Variants in GIGYF2 observed in about 807,000 individuals in gnomAD.
GIGYF2 encodes GRB10-interacting GYF protein 2.
Under a neutral mutation model 208.1 loss-of-function variants are expected in GIGYF2, and 25 were observed. That is an observed-to-expected ratio of 0.12 (90% CI 0.09 to 0.17). GIGYF2 has a LOEUF of 0.17. Ranked by LOEUF, GIGYF2 falls within the 10% of genes least tolerant of loss-of-function variation. GIGYF2 has a pLI of 1.00. For missense variants in GIGYF2, 1,302 were observed against 1,579.4 expected, an observed-to-expected ratio of 0.82 and a Z score of 2.98; for synonymous variants, 534 against 543.8, an observed-to-expected ratio of 0.98 and a Z score of 0.25.
intron 3 of GIGYF2, chr2:232,736,059 G>A (rs946604155): frequency 1.0e-6 from 1 of 975,252 alleles, no homozygotes; most frequent in African/African-American, 1.8e-5. Context: ...CTCTATTTGA[G>A]GAGTCTTATT....
In GIGYF2 at chr2:232,847,591, A is replaced by G; in HGVS notation, c.3684+20A>G. ...CAGCAGGTATAAAGTAGTGTGGTGT[A>G]TGCGGTACCTCTGAGGATTAATACC... is the stretch of plus-strand genomic sequence containing the variant. On this transcript the variant is annotated intron_variant, in intron 27 of 28. Transcript: ENST00000373563. 1 of 1,611,922 alleles carries G rather than the reference A, an allele frequency of 6.2e-7. No homozygotes were observed. Among genetic ancestry groups the G allele is most frequent in the South Asian group, 1.1e-5 (1 of 90,988 alleles).
chr2:232,843,454 T>G (rs535952685), intron 23 of GIGYF2, among the ~76,000 whole-genome samples: 5 of 150,810 alleles, frequency 3.3e-5, no homozygotes, highest in African/African-American at 1.2e-4. Flanking sequence ...TCCCAGCTAC[T>G]CAGGAGGCCG....
In GIGYF2 at chr2:232,777,969, TAG is replaced by T. The variant is rs760847326; in HGVS notation, c.533-9178_533-9177del. On this transcript the variant is annotated intron_variant, in intron 8 of 28. Coordinates refer to ENST00000373563, the MANE Select transcript of GIGYF2 (RefSeq NM_001103146.3). ...TTTTTATTTTCATTTTTTTTAGACA[TAG>T]AGTCTTGCTGTGTCACCCAGGCTGG... 3.3e-5 allele frequency among the ~76,000 whole-genome samples: 5 copies of T among 152,194 alleles called. No homozygotes were observed. In the South Asian group the frequency reaches 1.0e-3, roughly 32 times the overall value.
At chr2:232,836,674 G>T (rs1433832066) in intron 22 of GIGYF2, among the ~76,000 whole-genome samples, 2 of 150,010 alleles carry the variant, frequency 1.3e-5, no homozygotes, top group African/African-American at 4.9e-5. Flanking sequence ...TATGAAATTT[G>T]TTTTGACTCC....
At chr2:232,804,686 T>G (rs1419995493) in intron 14 of GIGYF2, among the ~76,000 whole-genome samples, 1 of 152,122 alleles carries the variant, frequency 6.6e-6, no homozygotes, top group Non-Finnish European at 1.5e-5. Flanking sequence ...AGAGACAAGG[T>G]TTCACCATGT....
At chr2:232,733,337 G>C (rs369871055) in intron 2 of GIGYF2, among the ~76,000 whole-genome samples, 6 of 152,100 alleles carry the variant, frequency 3.9e-5, no homozygotes, top group South Asian at 2.1e-4. Context: ...TTTGTGTGGT[G>C]GGGGAGCAGG....
At chr2:232,797,893 A>C (rs1245270199) in intron 14 of GIGYF2, among the ~76,000 whole-genome samples, 1 of 150,798 alleles carries the variant, frequency 6.6e-6, no homozygotes, top group Non-Finnish European at 1.5e-5. Context: ...AGGCATGAGA[A>C]TCACTTGAAC....
At chr2:232,830,193 G>A (rs1300442555) in intron 21 of GIGYF2, among the ~76,000 whole-genome samples, 1 of 152,096 alleles carries the variant, frequency 6.6e-6, no homozygotes, top group Non-Finnish European at 1.5e-5. Context: ...GTATTGCCCA[G>A]TCTCATCTCA....
intron 20 of GIGYF2, 52 bp downstream of exon 20, chr2:232,817,084 A>G (rs925810954): frequency 3.7e-6 from 5 of 1,349,934 alleles, no homozygotes; most frequent in East Asian, 4.6e-5. Context: ...GAGGGCTTTC[A>G]GGCTGCTTTC....
chr2:232,747,824 G>A (rs898121259), intron 4 of GIGYF2, 80 bp downstream of exon 4: 2 of 1,341,800 alleles, frequency 1.5e-6, no homozygotes, highest in African/African-American at 2.9e-5. Flanking sequence ...CATGAAAACT[G>A]ATTTATTTTA....
At chr2:232,755,317 C>T (rs1028128735) in intron 5 of GIGYF2, among the ~76,000 whole-genome samples, 1 of 152,044 alleles carries the variant, frequency 6.6e-6, no homozygotes, top group Non-Finnish European at 1.5e-5. Context: ...ATTACAGGTG[C>T]CTGCCACCGC....
At position 232,855,284 on chromosome 2, in the gene GIGYF2, T is replaced by C. The variant is rs1434839014; in HGVS notation, c.3833-1509T>C. ...TGTATTTTGAGTAGCGACAGGTTTT[T>C]GCCATGTTGGCCAGTCTGGTCTCTA... On this transcript the variant is annotated intron_variant, in intron 28 of 28. Coordinates refer to ENST00000373563, the MANE Select transcript of GIGYF2 (RefSeq NM_001103146.3). Among the ~76,000 whole-genome samples the C allele has an allele frequency of 2.0e-5, 3 of 152,234 alleles. No homozygotes were observed. In the East Asian group the frequency reaches 5.8e-4, roughly 29 times the overall value.
chr2:232,811,303 A>G lies in GIGYF2; in HGVS notation c.1958A>G (p.Gln653Arg), dbSNP rs550189019. Residue 653 changes from glutamine to arginine, a missense_variant, in exon 17 of 29, where the codon CAG (glutamine) becomes CGG (arginine). This residue lies in a region of GIGYF2 where 701 missense variants were observed against 793.0 expected (regional missense o/e 0.88). Transcript: ENST00000373563. Reference protein sequence around the residue: ...QQKAALSSQQQQQLALLLQQF... With the variant: ...QQKAALSSQQRQQLALLLQQF... The stretch of plus-strand genomic sequence containing the variant: ...AAAGCAGCACTGTCTTCCCAGCAGC[A>G]GCAGCAGTTGGCACTTCTTCTTCAA... The G allele has an allele frequency of 2.0e-5, 33 of 1,612,996 alleles. No homozygotes were observed. The Admixed American group carries it at 5.0e-4, about 24-fold the overall frequency.
intron 14 of GIGYF2, among the ~76,000 whole-genome samples, chr2:232,805,917 G>C (rs760921596): frequency 2.2e-4 from 34 of 152,082 alleles, no homozygotes; most frequent in Non-Finnish European, 4.4e-4. Context: ...AATATTTGTT[G>C]AATGAATTAA....
chr2:232,859,179 C>G lies in GIGYF2; in HGVS notation c.*2319C>G, dbSNP rs1030139833. The G allele has an allele frequency of 2.0e-5, 3 of 152,150 alleles. No homozygotes were observed. Among genetic ancestry groups the G allele is most frequent in the African/African-American group, 7.2e-5 (3 of 41,414 alleles). The allele number at this position is 152,150 out of a possible 1,614,324, so 9.4% of individuals were successfully genotyped here. ...TCTCTTTCATATTCTCATTTGCTCA[C>G]CCTTTCACTTAGAGCCACCGTTTTC... On this transcript the variant is annotated 3_prime_UTR_variant, in exon 29 of 29. Coordinates refer to ENST00000373563, the MANE Select transcript of GIGYF2 (RefSeq NM_001103146.3).
At chr2:232,799,405 G>T (rs11695880) in intron 14 of GIGYF2, among the ~76,000 whole-genome samples, 1 of 151,608 alleles carries the variant, frequency 6.6e-6, no homozygotes, top group Non-Finnish European at 1.5e-5. Flanking sequence ...AAAATTAGCT[G>T]GGTGTGGGAT....
intron 8 of GIGYF2, among the ~76,000 whole-genome samples, chr2:232,772,319 C>T (rs1490972878): frequency 6.6e-6 from 1 of 152,088 alleles, no homozygotes; most frequent in Non-Finnish European, 1.5e-5. Flanking sequence ...TTTGCATATT[C>T]TAGGCTCTGA....
chr2:232,798,184 A>G (rs979891804), intron 14 of GIGYF2, among the ~76,000 whole-genome samples: 6 of 152,172 alleles, frequency 3.9e-5, no homozygotes, highest in African/African-American at 7.2e-5. Flanking sequence ...GATTGGTTCT[A>G]TTCACTCAGC....
At chr2:232,731,882 T>TA (rs35550286) in intron 2 of GIGYF2, among the ~76,000 whole-genome samples, 48,065 of 152,126 alleles carry the variant, frequency 0.32, 7,971 homozygotes, top group South Asian at 0.62. Context: ...TTATATTTTT[T>TA]AAAAAAGCTC....
Sources: allele counts gnomAD v4.1 joint callset (sites outside exome capture counted in the v4.1 genomes callset), GRCh38; gene constraint gnomAD v4.1.1; regional missense constraint gnomAD v4.1.1; transcripts MANE v1.5; gene names NCBI Gene and HGNC (gene_info 2026-07-23, HGNC 2026-07-21).